The following LRP6 variants were observed in gnomAD, a reference collection of about 807,000 sequenced individuals.
LRP6 encodes the protein LDL receptor related protein 6.
A neutral mutation model predicts 184.1 loss-of-function variants in LRP6; 43 were observed. The observed-to-expected ratio is 0.23, with a 90% CI of 0.18 to 0.30. The LOEUF (loss-of-function observed/expected upper bound fraction) is 0.30, where lower values mean the gene tolerates loss of function less well. Among genes scored for constraint, LRP6 ranks in the 10% least tolerant of loss-of-function variants. LRP6 has a pLI of 1.00. For synonymous variants in LRP6, 719 were observed against 684.9 expected, an observed-to-expected ratio of 1.05 and a Z score of -0.78; for missense variants, 1,571 against 2,005.3, an observed-to-expected ratio of 0.78 and a Z score of 4.14.
At chr12:12,255,595 G>A (rs1865442779) in intron 1 of LRP6, among the ~76,000 whole-genome samples, 1 of 123,742 alleles carries the variant, frequency 8.1e-6, no homozygotes, top group African/African-American at 3.4e-5. Flanking sequence ...TTTTGAGACA[G>A]AGTCTCACTC....
At chr12:12,217,276 G>T (rs180999957) in intron 2 of LRP6, among the ~76,000 whole-genome samples, 38 of 152,114 alleles carry the variant, frequency 2.5e-4, no homozygotes, top group African/African-American at 8.2e-4. Flanking sequence ...CATTGCAAGG[G>T]ATCTAGGTTG....
rs1230825513 is a variant in LRP6 at position 12,217,535 on chromosome 12, CA to C, written c.450-14136del. On this transcript the variant is annotated intron_variant, in intron 2 of 22. Coordinates refer to ENST00000261349, the MANE Select transcript of LRP6 (RefSeq NM_002336.3). ...CAGTCCGTGGAAAAACTGTCTTCCA[CA>C]AAACCAGTCCCTGGTGCCAAAAAGG... is the stretch of plus-strand genomic sequence containing the variant. 7.2e-5 allele frequency among the ~76,000 whole-genome samples: 11 copies of C among 152,222 alleles called. No homozygotes were observed. The East Asian group carries it at 2.1e-3, about 29-fold the overall frequency.
chr12:12,204,303 G>A (rs538909083), intron 2 of LRP6, among the ~76,000 whole-genome samples: 2 of 150,160 alleles, frequency 1.3e-5, no homozygotes, highest in African/African-American at 2.5e-5. Context: ...AAAAAAGGAG[G>A]GGGGGGTCAG....
At chr12:12,241,413 T>C (rs539967713) in intron 2 of LRP6, among the ~76,000 whole-genome samples, 3 of 152,306 alleles carry the variant, frequency 2.0e-5, no homozygotes, top group African/African-American at 4.8e-5. Context: ...TCATTAACAC[T>C]GAAAGATCAT....
intron 2 of LRP6, among the ~76,000 whole-genome samples, chr12:12,228,686 T>C (rs928397845): frequency 6.6e-6 from 1 of 152,188 alleles, no homozygotes; most frequent in Admixed American, 6.5e-5. Context: ...GAACAGCGCA[T>C]GCAACAGATC....
At chr12:12,258,025 AAC>A (rs1417928013) in intron 1 of LRP6, among the ~76,000 whole-genome samples, 2 of 151,988 alleles carry the variant, frequency 1.3e-5, no homozygotes, top group Non-Finnish European at 2.9e-5. Flanking sequence ...AAAACCAGAA[AAC>A]ACGTTACATA....
intron 3 of LRP6, among the ~76,000 whole-genome samples, chr12:12,199,834 C>A (rs1269640053): frequency 6.6e-6 from 1 of 151,388 alleles, no homozygotes; most frequent in African/African-American, 2.4e-5. Flanking sequence ...CGTGGTGGTG[C>A]GCACCTGTAA....
rs989427196 is a variant in LRP6, at chr12:12,126,895, C to T, written c.4108G>A (p.Ala1370Thr). 2 of 1,614,028 alleles carry T rather than the reference C, an allele frequency of 1.2e-6. No individual in the cohort carries two copies. Among genetic ancestry groups the T allele is most frequent in the African/African-American group, 2.7e-5 (2 of 75,016 alleles). ...CYPTEEPAPQ[A>T]TNTVGSVIGV... ...ATAACAGAACCAACTGTATTGGTGG[C>T]CTGTGGTGCTGGTTCTTCAGTCGGA... The change falls in exon 20 of 23, where the codon GCC becomes ACC. Residue 1370 changes from alanine (A) to threonine (T), a missense_variant. Around this residue, in one of 4 missense-constraint regions of LRP6, gnomAD observed 763 missense variants for 859.5 expected, o/e 0.89. Transcript: ENST00000261349.
Position 12,125,379 on chromosome 12 carries a change from T to C in LRP6, c.4366A>G (p.Ser1456Gly). ...ISSLSIMGGS[S>G]GPPYDRAHVT... ...TGGGCTCGGTCATAGGGGGGTCCAC[T>C]GCTTCCCCCCATGATACTGAGGGAG... is the stretch of plus-strand genomic sequence containing the variant. The change falls in exon 21 of 23, where the codon AGT becomes GGT. Residue 1456 changes from serine (S) to glycine (G), a missense_variant. Coordinates refer to ENST00000261349, the MANE Select transcript of LRP6 (RefSeq NM_002336.3). 1.2e-6 allele frequency: 2 copies of C among 1,613,826 alleles called. No homozygotes were observed. Among genetic ancestry groups the C allele is most frequent in the South Asian group, 2.2e-5 (2 of 91,066 alleles).
chr12:12,197,415 C>T lies in LRP6; in HGVS notation c.647+5788G>A, dbSNP rs573554806. Among the ~76,000 whole-genome samples the T allele has an allele frequency of 2.6e-5, 4 of 152,324 alleles. No individual in the cohort carries two copies. In the South Asian group the frequency reaches 8.3e-4, roughly 32 times the overall value. On this transcript the variant is annotated intron_variant, in intron 3 of 22. Coordinates refer to ENST00000261349, the MANE Select transcript of LRP6 (RefSeq NM_002336.3). ...CTACAGAAGTTCACTGCACACAGCA[C>T]TGTAAATGTTCAATTGCTACTCAAT...
At chr12:12,168,837 G>GT (rs113501946) in intron 7 of LRP6, among the ~76,000 whole-genome samples, 81 of 150,812 alleles carry the variant, frequency 5.4e-4, no homozygotes, top group Middle Eastern at 3.4e-3. Flanking sequence ...TTGTCTTTTT[G>GT]TTTTTTTTTA....
At chr12:12,126,545 TA>T in intron 20 of LRP6, 145 bp downstream of exon 20, 2 of 707,822 alleles carry the variant, frequency 2.8e-6, no homozygotes, top group African/African-American at 1.8e-5. Context: ...GTGCTAATAG[TA>T]AAAAAGAACG....
chr12:12,248,261 T>C (rs886519527), intron 1 of LRP6, among the ~76,000 whole-genome samples: 1 of 152,160 alleles, frequency 6.6e-6, no homozygotes, highest in Non-Finnish European at 1.5e-5. Flanking sequence ...TCCTTGCTAT[T>C]GTTTTGTTTT....
chr12:12,202,646 G>C (rs971711409), intron 3 of LRP6, among the ~76,000 whole-genome samples: 1 of 152,206 alleles, frequency 6.6e-6, no homozygotes. Flanking sequence ...AGAAGTAGTT[G>C]AACCGGAGAT....
intron 1 of LRP6, among the ~76,000 whole-genome samples, chr12:12,263,298 G>A (rs374779315): frequency 1.3e-4 from 20 of 148,860 alleles, no homozygotes; most frequent in East Asian, 2.0e-4. Context: ...GAATCTGGCC[G>A]GGCGTGGTGG....
Position 12,203,221 on chromosome 12 carries a change from T to C in LRP6, c.629A>G (p.Asn210Ser). 9 of 1,610,302 alleles carry C rather than the reference T, an allele frequency of 5.6e-6. No homozygotes were observed. Among genetic ancestry groups the C allele is most frequent in the South Asian group, 1.1e-5 (1 of 90,294 alleles). The stretch of plus-strand genomic sequence containing the variant: ...ATCTTACCGATTTGTTCCATCCAGA[T>C]TTGATTTGTGGATGAAATTAAGTTT... Reference protein sequence around the residue: ...DAKLNFIHKSNLDGTNRQAVV... With the variant: ...DAKLNFIHKSSLDGTNRQAVV... Residue 210 changes from asparagine to serine, a missense_variant, in exon 3 of 23, where the codon AAT (asparagine) becomes AGT (serine). By Grantham distance (46) the Asn-to-Ser change is conservative. This residue lies in a region of LRP6 where 640 missense variants were observed against 851.9 expected (regional missense o/e 0.75). Transcript: ENST00000261349.
chr12:12,155,788 TAA>T (rs1950143407), intron 12 of LRP6: 1 of 785,048 alleles, frequency 1.3e-6, no homozygotes, highest in Non-Finnish European at 2.2e-6. Context: ...GTTAAAAAAA[TAA>T]AAGACTTCTG....
chr12:12,187,829 A>T (rs921732671), intron 3 of LRP6, among the ~76,000 whole-genome samples: 1 of 152,212 alleles, frequency 6.6e-6, no homozygotes, highest in Non-Finnish European at 1.5e-5. Flanking sequence ...TTCACAAGCA[A>T]TACATACTTT....
chr12:12,207,220 T>C (rs1309608178), intron 2 of LRP6, among the ~76,000 whole-genome samples: 1 of 152,190 alleles, frequency 6.6e-6, no homozygotes, highest in Non-Finnish European at 1.5e-5. Context: ...CCAGGAATGT[T>C]GTTAAAAACA....
Sources: allele counts gnomAD v4.1 joint callset (sites outside exome capture counted in the v4.1 genomes callset), GRCh38; gene constraint gnomAD v4.1.1; regional missense constraint gnomAD v4.1.1; transcripts MANE v1.5; gene names NCBI Gene and HGNC (gene_info 2026-07-23, HGNC 2026-07-21).